QSOX1: variants seen among roughly 807,000 people sequenced by gnomAD.
QSOX1 encodes the protein quiescin sulfhydryl oxidase 1, also known as sulfhydryl oxidase 1.
A neutral mutation model predicts 76.1 loss-of-function variants in QSOX1; 40 were observed. The observed-to-expected ratio is 0.53, with a 90% CI of 0.41 to 0.68. QSOX1 has a LOEUF of 0.68. Among genes scored for constraint, QSOX1 ranks in the 30% least tolerant of loss-of-function variants. QSOX1 has a pLI of 0.00. For synonymous variants in QSOX1, 392 were observed against 413.1 expected (o/e 0.95, Z 0.62); for missense variants, 931 against 974.3 (o/e 0.96, Z 0.59).
At chr1:180,155,204 C>T in intron 1 of QSOX1, 32 bp downstream of exon 1, 3 of 1,449,268 alleles carry the variant, frequency 2.1e-6, no homozygotes, top group Non-Finnish European at 2.7e-6. Context: ...CTCCCCCGTG[C>T]CCCGCCGCCC....
intron 3 of QSOX1, among the ~76,000 whole-genome samples, chr1:180,175,591 A>T (rs565396660): frequency 1.3e-5 from 2 of 152,278 alleles, no homozygotes; most frequent in African/African-American, 4.8e-5. Flanking sequence ...CCAGGGCCCT[A>T]GGGTCGGGGC....
In QSOX1 at chr1:180,198,217, G is replaced by A. The variant is rs953098202; in HGVS notation, c.*1180G>A. On this transcript the variant is annotated 3_prime_UTR_variant, in exon 12 of 12. Coordinates refer to ENST00000367602, the MANE Select transcript of QSOX1 (RefSeq NM_002826.5). ...ACCCCATGGCCTTTTCATGCACGGAGACAGGCCTCTGGATGTGCAGCCTTG... is the reference window on the plus strand; with the variant it reads ...ACCCCATGGCCTTTTCATGCACGGAAACAGGCCTCTGGATGTGCAGCCTTG... The A allele has an allele frequency of 1.1e-5, 5 of 456,708 alleles. No individual in the cohort carries two copies. The highest frequency in any genetic ancestry group is 2.2e-5 in the Non-Finnish European group (5 of 226,968). The allele number at this position is 456,708 out of a possible 1,614,324, so 28.3% of individuals were successfully genotyped here.
At chr1:180,177,982 A>G (rs997612063) in intron 4 of QSOX1, among the ~76,000 whole-genome samples, 1 of 152,238 alleles carries the variant, frequency 6.6e-6, no homozygotes, top group Admixed American at 6.5e-5. Context: ...CCTGAACCCA[A>G]GGCTTTCTGA....
intron 9 of QSOX1, among the ~76,000 whole-genome samples, chr1:180,190,104 A>G (rs1264723662): frequency 2.4e-4 from 37 of 152,064 alleles, no homozygotes; most frequent in Admixed American, 2.4e-3. Flanking sequence ...TCATGCTGCT[A>G]TTTGCAAAAG....
At chr1:180,155,263 C>T in intron 1 of QSOX1, 91 bp downstream of exon 1, 1 of 1,232,262 alleles carries the variant, frequency 8.1e-7, no homozygotes, top group South Asian at 1.7e-5. Context: ...GGGAGCGCGT[C>T]CCTCTTCCAG....
At position 180,172,220 on chromosome 1, in the gene QSOX1, G is replaced by T. The variant is rs180671736; in HGVS notation, c.367-3101G>T. Among the ~76,000 whole-genome samples the T allele has an allele frequency of 2.0e-5, 3 of 152,296 alleles. No homozygotes were observed. In the East Asian group the frequency reaches 5.8e-4, roughly 29 times the overall value. The stretch of plus-strand genomic sequence containing the variant: ...TAGAAGGATTCGAATCTATCTGTAG[G>T]CCTAGTTGGGCGGCTGTAGTAGAAA... On this transcript the variant is annotated intron_variant, in intron 2 of 11. Coordinates refer to ENST00000367602, the MANE Select transcript of QSOX1 (RefSeq NM_002826.5).
At position 180,194,540 on chromosome 1, in the gene QSOX1, C is replaced by T. The variant is rs1663412160; in HGVS notation, c.1468+148C>T. ...GCCTGTTAACCAATGCCAGTATCAT[C>T]AGCCCCATTTTTGACATGAGGAAGC... On this transcript the variant is annotated intron_variant, in intron 11 of 11. Coordinates refer to ENST00000367602, the MANE Select transcript of QSOX1 (RefSeq NM_002826.5). 4.2e-6 allele frequency: 3 copies of T among 720,450 alleles called. No individual in the cohort carries two copies. In the East Asian group the frequency reaches 9.5e-5, roughly 23 times the overall value. The allele number at this position is 720,450 out of a possible 1,614,324, so 44.6% of individuals were successfully genotyped here.
chr1:180,168,057 C>T (rs1662672631), intron 2 of QSOX1, among the ~76,000 whole-genome samples: 2 of 152,370 alleles, frequency 1.3e-5, no homozygotes, highest in South Asian at 2.1e-4. Context: ...GGTACAGCAG[C>T]CAGGGCAAGA....
chr1:180,155,230 C>A (rs1662348559), intron 1 of QSOX1, 58 bp downstream of exon 1: 2 of 1,388,518 alleles, frequency 1.4e-6, no homozygotes, highest in African/African-American at 3.0e-5. Flanking sequence ...CCTCCACCTG[C>A]CCGGTGGGCA....
chr1:180,166,500 C>T lies in QSOX1; in HGVS notation c.275C>T (p.Pro92Leu), dbSNP rs746532674. 24 of 1,613,948 alleles carry T rather than the reference C, an allele frequency of 1.5e-5. No homozygotes were observed. Among genetic ancestry groups the T allele is most frequent in the Non-Finnish European group, 1.9e-5 (22 of 1,179,984 alleles). Residue 92 changes from proline (P) to leucine (L), a missense_variant, in exon 2 of 12, where the codon CCG (proline) becomes CTG (leucine). Pro to Leu is a moderately conservative substitution (Grantham distance 98). Coordinates refer to ENST00000367602, the MANE Select transcript of QSOX1 (RefSeq NM_002826.5). ...TTTTTTGTCCTTTCAGCCTGGAGGC[C>T]GGCCCTGTATCTCGCCGCCCTGGAC... ...ALAEDVKAWR[P>L]ALYLAALDCA...
chr1:180,158,709 G>A (rs1433551507), intron 1 of QSOX1, among the ~76,000 whole-genome samples: 1 of 152,064 alleles, frequency 6.6e-6, no homozygotes, highest in Non-Finnish European at 1.5e-5. Context: ...CTGAGGGTCA[G>A]TAGATTCTAG....
rs1323194144 is a variant in QSOX1, at chr1:180,178,903, C to G, written c.606+19C>G. ...TAGAGAGGTGAGCTGCCCTGAAGTT[C>G]CCTGCAATTCTTGGATAGCCATGGA... On this transcript the variant is annotated intron_variant, in intron 5 of 11. Coordinates refer to ENST00000367602, the MANE Select transcript of QSOX1 (RefSeq NM_002826.5). 6.3e-7 allele frequency: 1 copy of G among 1,599,122 alleles called. No homozygotes were observed. The highest frequency in any genetic ancestry group is 8.6e-7 in the Non-Finnish European group (1 of 1,166,554).
intron 4 of QSOX1, among the ~76,000 whole-genome samples, chr1:180,178,322 C>T (rs1662947319): frequency 1.3e-5 from 2 of 152,236 alleles, no homozygotes; most frequent in South Asian, 4.1e-4. Flanking sequence ...TCACTGCAAC[C>T]TCCACTCCCC....
At chr1:180,173,627 A>G (rs1662812112) in intron 2 of QSOX1, among the ~76,000 whole-genome samples, 1 of 152,180 alleles carries the variant, frequency 6.6e-6, no homozygotes, top group Non-Finnish European at 1.5e-5. Context: ...GCTTCTCTGC[A>G]GCCTTTGTTC....
chr1:180,180,748 C>T (rs1663010188), intron 5 of QSOX1, among the ~76,000 whole-genome samples: 1 of 152,174 alleles, frequency 6.6e-6, no homozygotes, highest in Non-Finnish European at 1.5e-5. Flanking sequence ...ATCTCCTGAC[C>T]TTGTGATCTG....
chr1:180,175,429 G>C (rs1558187285), intron 3 of QSOX1, 63 bp downstream of exon 3: 1 of 1,553,922 alleles, frequency 6.4e-7, no homozygotes, highest in African/African-American at 1.4e-5. Context: ...TCTTCACCTG[G>C]GTTTCTATTG....
At chr1:180,173,217 C>G (rs1010216419) in intron 2 of QSOX1, among the ~76,000 whole-genome samples, 3 of 152,064 alleles carry the variant, frequency 2.0e-5, no homozygotes, top group African/African-American at 4.8e-5. Flanking sequence ...CCTCCTAGGT[C>G]TCCCAAAGTG....
At chr1:180,173,077 C>T (rs922246031) in intron 2 of QSOX1, among the ~76,000 whole-genome samples, 5 of 152,332 alleles carry the variant, frequency 3.3e-5, no homozygotes, top group South Asian at 2.1e-4. Flanking sequence ...ATAACTGCAG[C>T]GCAACATCAC....
chr1:180,154,909 TGAG>T lies in QSOX1; in HGVS notation c.7_9del (p.Arg3?). 6.9e-7 allele frequency: 1 copy of T among 1,447,282 alleles called. No individual in the cohort carries two copies. Among genetic ancestry groups the T allele is most frequent in the Non-Finnish European group, 9.0e-7 (1 of 1,108,236 alleles). 89.7% of individuals were successfully genotyped at this position (1,447,282 alleles called of 1,614,324 possible). A position where few individuals can be genotyped will look rare whatever the true frequency, so the allele number is the denominator to read the frequency against. On this transcript the variant is annotated start_lost and inframe_deletion, in exon 1 of 12. Transcript: ENST00000367602. Reference sequence around the variant, plus strand: ...GTGGTGGTGAGCGCAGCGCCGAGGATGAGGAGGTGCAACAGCGGCTCCGGGCCG... The same window carrying T: ...GTGGTGGTGAGCGCAGCGCCGAGGATGAGGTGCAACAGCGGCTCCGGGCCG...
Sources: gnomAD v4.1 joint callset for allele counts (sites outside exome capture counted in the v4.1 genomes callset) on GRCh38, gnomAD v4.1.1 for gene constraint, MANE v1.5 for transcripts, NCBI Gene and HGNC (gene_info 2026-07-23, HGNC 2026-07-21) for gene names.